CDH2: variants seen among roughly 807,000 people sequenced by gnomAD.
The protein encoded by CDH2 is cadherin-2.
CDH2 carries 17 observed loss-of-function variants against 92.0 expected under a neutral mutation model. That is an observed-to-expected ratio of 0.18 (90% CI 0.13 to 0.28). The LOEUF (loss-of-function observed/expected upper bound fraction) is 0.28. Among genes scored for constraint, CDH2 ranks in the 10% least tolerant of loss-of-function variants. The pLI, the probability that CDH2 is intolerant of heterozygous loss-of-function variation, is 1.00. For synonymous variants in CDH2, 419 were observed against 415.9 expected, an observed-to-expected ratio of 1.01 and a Z score of -0.09; for missense variants, 862 against 1,133.1, an observed-to-expected ratio of 0.76 and a Z score of 3.44.
intron 2 of CDH2, 70 bp downstream of exon 2, chr18:28,147,603 C>A: frequency 4.2e-6 from 4 of 950,462 alleles, no homozygotes; most frequent in South Asian, 3.0e-5. Context: ...ATGATTTAGG[C>A]TTTTTTAATG....
intron 7 of CDH2, among the ~76,000 whole-genome samples, chr18:27,997,645 G>T (rs535680790): frequency 6.6e-6 from 1 of 152,248 alleles, no homozygotes; most frequent in South Asian, 2.1e-4. Flanking sequence ...GACCTTGGGA[G>T]ACTGAGGAGA....
At chr18:28,014,519 T>G (rs1209987147) in intron 2 of CDH2, among the ~76,000 whole-genome samples, 1 of 152,180 alleles carries the variant, frequency 6.6e-6, no homozygotes, top group Admixed American at 6.6e-5. Context: ...TTGTAAGACC[T>G]TATGGTAATT....
intron 1 of CDH2, among the ~76,000 whole-genome samples, chr18:28,175,969 C>T (rs892456315): frequency 3.3e-5 from 5 of 152,176 alleles, no homozygotes; most frequent in Non-Finnish European, 1.5e-5. Context: ...CAGGCCTGGG[C>T]TGGCTGGTCG....
chr18:28,072,576 C>G (rs1323337170), intron 2 of CDH2, among the ~76,000 whole-genome samples: 3 of 144,366 alleles, frequency 2.1e-5, no homozygotes, highest in Non-Finnish European at 4.7e-5. Context: ...CAGCAAGTAA[C>G]CAATTAAGAG....
chr18:27,947,743 A>G (rs1199886229), downstream of CDH2, among the ~76,000 whole-genome samples: 1 of 149,202 alleles, frequency 6.7e-6, no homozygotes, highest in Non-Finnish European at 1.5e-5. Context: ...CATATGTGAT[A>G]TAAGTGTATA....
intron 2 of CDH2, among the ~76,000 whole-genome samples, chr18:28,034,200 T>A (rs1292522433): frequency 6.6e-6 from 1 of 152,034 alleles, no homozygotes; most frequent in Non-Finnish European, 1.5e-5. Context: ...TATGAGGGAC[T>A]CTCACTAGAT....
chr18:27,955,576 A>G (rs1318411293), intron 15 of CDH2, among the ~76,000 whole-genome samples: 29 of 151,934 alleles, frequency 1.9e-4, no homozygotes, highest in Non-Finnish European at 3.4e-4. Context: ...CACGGACCCC[A>G]GGACTCTTCA....
chr18:28,019,272 G>GT (rs1272155895), intron 2 of CDH2, among the ~76,000 whole-genome samples: 1 of 151,158 alleles, frequency 6.6e-6, no homozygotes, highest in African/African-American at 2.4e-5. Context: ...AACACCACCT[G>GT]TTCCCCCAAA....
intron 2 of CDH2, 58 bp from the exon 3 acceptor site, chr18:28,013,967 AC>A (rs143315909): frequency 8.6e-7 from 1 of 1,167,106 alleles, no homozygotes; most frequent in Non-Finnish European, 1.2e-6. Flanking sequence ...GCAAAAAAAA[AC>A]CCCTAATACT....
chr18:28,036,528 A>G, intron 2 of CDH2: 3 of 1,607,378 alleles, frequency 1.9e-6, no homozygotes, highest in Non-Finnish European at 2.5e-6. Flanking sequence ...AGATACACAC[A>G]TAACGCCTTA....
intron 2 of CDH2, chr18:28,045,649 C>A (rs898520952): frequency 1.8e-5 from 5 of 281,584 alleles, no homozygotes; most frequent in South Asian, 3.4e-5. Context: ...TCCTTTATGA[C>A]GTCCCAGCAG....
chr18:27,966,851 A>C (rs565085152), intron 14 of CDH2, among the ~76,000 whole-genome samples: 1 of 152,290 alleles, frequency 6.6e-6, no homozygotes, highest in African/African-American at 2.4e-5. Flanking sequence ...TGGACCATCA[A>C]TGTTTCAGGC....
intron 2 of CDH2, among the ~76,000 whole-genome samples, chr18:28,144,385 G>C (rs901935289): frequency 2.0e-5 from 3 of 151,792 alleles, no homozygotes; most frequent in Non-Finnish European, 4.4e-5. Context: ...TTCACCAGAG[G>C]GGAAAGAGCA....
intron 9 of CDH2, 114 bp downstream of exon 9, chr18:27,992,541 A>T: frequency 1.3e-6 from 1 of 792,452 alleles, no homozygotes; most frequent in Non-Finnish European, 2.0e-6. Flanking sequence ...CCACATCTGG[A>T]GATGTCTGAA....
chr18:28,079,126 A>C (rs948332144), intron 2 of CDH2, among the ~76,000 whole-genome samples: 4 of 152,194 alleles, frequency 2.6e-5, no homozygotes, highest in African/African-American at 9.6e-5. Flanking sequence ...AGCCATCTAA[A>C]TTGTCTACAA....
chr18:28,127,384 T>C (rs1357433585), intron 2 of CDH2, among the ~76,000 whole-genome samples: 3 of 152,196 alleles, frequency 2.0e-5, no homozygotes, highest in African/African-American at 7.2e-5. Flanking sequence ...AATTTTCCAA[T>C]TCTGTTAGCC....
intron 2 of CDH2, chr18:28,097,162 G>C (rs966394523): frequency 6.6e-6 from 1 of 152,132 alleles, no homozygotes; most frequent in South Asian, 2.1e-4. Context: ...CAGGATAAAA[G>C]AAAGTAGTAT....
At chr18:28,172,261 A>G (rs939279813) in intron 1 of CDH2, among the ~76,000 whole-genome samples, 6 of 152,190 alleles carry the variant, frequency 3.9e-5, no homozygotes, top group African/African-American at 1.4e-4. Context: ...CATAAATCAT[A>G]ATGTTTAAAT....
intron 6 of CDH2, among the ~76,000 whole-genome samples, chr18:28,004,933 C>G (rs1483120044): frequency 6.6e-6 from 1 of 152,168 alleles, no homozygotes; most frequent in Non-Finnish European, 1.5e-5. Flanking sequence ...TATCTATAAA[C>G]TGACTTATGC....
Sources: gnomAD v4.1 joint callset for allele counts (sites outside exome capture counted in the v4.1 genomes callset) on GRCh38, gnomAD v4.1.1 for gene constraint, MANE v1.5 for transcripts, NCBI Gene and HGNC (gene_info 2026-07-23, HGNC 2026-07-21) for gene names.